Variants in GOLGA5 observed in about 807,000 individuals in gnomAD.
The protein encoded by GOLGA5 is golgin subfamily A member 5.
Under a neutral mutation model 93.5 loss-of-function variants are expected in GOLGA5, and 50 were observed. The observed-to-expected ratio is 0.53, with a 90% confidence interval of 0.43 to 0.68. GOLGA5 has a LOEUF of 0.68. Among genes scored for constraint, GOLGA5 ranks in the 30% least tolerant of loss-of-function variants. GOLGA5 has a pLI of 0.00. For synonymous variants in GOLGA5, 312 were observed against 304.5 expected (o/e 1.02, Z -0.26); for missense variants, 760 against 856.4 (o/e 0.89, Z 1.40).
chr14:92,803,771 G>A (rs1015468676), intron 2 of GOLGA5, among the ~76,000 whole-genome samples: 3 of 152,224 alleles, frequency 2.0e-5, no homozygotes, highest in Non-Finnish European at 4.4e-5. Context: ...TGCATACTGT[G>A]TGAAGAATAT....
intron 12 of GOLGA5, among the ~76,000 whole-genome samples, chr14:92,839,129 A>G (rs1214776828): frequency 6.6e-6 from 1 of 152,220 alleles, no homozygotes; most frequent in African/African-American, 2.4e-5. Flanking sequence ...ATACACGTGC[A>G]TATTGTGAAT....
intron 8 of GOLGA5, among the ~76,000 whole-genome samples, chr14:92,821,844 G>A (rs201971390): frequency 6.6e-6 from 1 of 152,138 alleles, no homozygotes; most frequent in African/African-American, 2.4e-5. Context: ...TTCAGAAATT[G>A]CATTTTAATT....
chr14:92,802,597 A>G (rs2140313668), intron 2 of GOLGA5, among the ~76,000 whole-genome samples: 1 of 151,684 alleles, frequency 6.6e-6, no homozygotes, highest in South Asian at 2.1e-4. Context: ...TAGTTTTTTT[A>G]TTTGTTTAAG....
chr14:92,837,626 C>CAGT (rs1372077461), intron 12 of GOLGA5, among the ~76,000 whole-genome samples, 177 bp downstream of exon 12: 1 of 151,836 alleles, frequency 6.6e-6, no homozygotes, highest in Admixed American at 6.6e-5. Context: ...TTCAGTGGTG[C>CAGT]AGTCTTGGCT....
At chr14:92,821,706 TG>T (rs1885320536) in intron 8 of GOLGA5, among the ~76,000 whole-genome samples, 1 of 152,210 alleles carries the variant, frequency 6.6e-6, no homozygotes, top group Non-Finnish European at 1.5e-5. Context: ...CTCAGAGAAA[TG>T]TTTTTTATTA....
At chr14:92,827,113 C>G (rs1885439662) in intron 9 of GOLGA5, among the ~76,000 whole-genome samples, 2 of 152,204 alleles carry the variant, frequency 1.3e-5, no homozygotes, top group Admixed American at 1.3e-4. Context: ...ATAAGGTGCA[C>G]AGCCATTTCT....
In GOLGA5 at chr14:92,839,581, T is replaced by C; in HGVS notation, c.*135T>C. The C allele has an allele frequency of 3.2e-6, 2 of 615,386 alleles. No individual in the cohort carries two copies. The highest frequency in any genetic ancestry group is 3.0e-4 in the Middle Eastern group (1 of 3,384). 38.1% of individuals were successfully genotyped at this position (615,386 alleles called of 1,614,324 possible). A position where few individuals can be genotyped will look rare whatever the true frequency, so the allele number is the denominator to read the frequency against. ...TACAAGCTTTTAACTTTTTAAGTTA[T>C]TGTACAAGTATTCTACCTAAATCTT... On this transcript the variant is annotated 3_prime_UTR_variant, in exon 13 of 13. Transcript: ENST00000163416.
chr14:92,811,474 A>G (rs1025195467), intron 5 of GOLGA5, 77 bp from the exon 6 acceptor site: 1 of 1,003,246 alleles, frequency 1.0e-6, no homozygotes, highest in Admixed American at 1.9e-5. Context: ...ATCCCATAAG[A>G]TATCCGAATG....
intron 12 of GOLGA5, among the ~76,000 whole-genome samples, chr14:92,838,295 A>G (rs570856767): frequency 6.6e-6 from 1 of 152,314 alleles, no homozygotes; most frequent in East Asian, 1.9e-4. Flanking sequence ...TTTTCTTGAA[A>G]AGAAATTTCT....
intron 3 of GOLGA5, among the ~76,000 whole-genome samples, chr14:92,809,001 A>G (rs1364126976): frequency 6.6e-6 from 1 of 152,188 alleles, no homozygotes; most frequent in Non-Finnish European, 1.5e-5. Context: ...AACTTTACAA[A>G]ATATACTCTG....
intron 9 of GOLGA5, among the ~76,000 whole-genome samples, chr14:92,828,588 C>T (rs927334372): frequency 4.6e-5 from 7 of 152,180 alleles, no homozygotes; most frequent in Non-Finnish European, 1.0e-4. Flanking sequence ...TGAAATCATA[C>T]CTGCCAATAC....
intron 4 of GOLGA5, 88 bp downstream of exon 4, chr14:92,809,607 A>T: frequency 1.3e-6 from 1 of 777,844 alleles, no homozygotes; most frequent in Non-Finnish European, 2.1e-6. Context: ...CTTTCTTGGA[A>T]ATTTACAAGA....
intron 11 of GOLGA5, among the ~76,000 whole-genome samples, chr14:92,836,978 G>GGA (rs1885654815): frequency 6.6e-6 from 1 of 151,586 alleles, no homozygotes; most frequent in Admixed American, 6.6e-5. Flanking sequence ...GGCTGAAGCT[G>GGA]GAGAATTGCT....
At chr14:92,837,574 T>C in intron 12 of GOLGA5, 125 bp downstream of exon 12, 1 of 607,930 alleles carries the variant, frequency 1.6e-6, no homozygotes, top group South Asian at 1.9e-5. Context: ...TTTTTTTTTG[T>C]TTTTTTTGAA....
Position 92,816,393 on chromosome 14 carries a change from A to T in GOLGA5, c.1463A>T (p.Gln488Leu). The T allele has an allele frequency of 6.2e-7, 1 of 1,613,986 alleles. No individual in the cohort carries two copies. Residue 488 changes from glutamine to leucine, a missense_variant, in exon 7 of 13, where the codon CAG (glutamine) becomes CTG (leucine). Coordinates refer to ENST00000163416, the MANE Select transcript of GOLGA5 (RefSeq NM_005113.4). ...QREEIQKLMG[Q>L]IHQLRSELQD... ...GAGGAAATACAGAAGCTGATGGGCC[A>T]GATACATCAGCTCAGATCCGAATTA...
chr14:92,837,510 G>T (rs34061602), intron 12 of GOLGA5, 61 bp downstream of exon 12: 563,477 of 767,610 alleles, frequency 0.73, 203,693 homozygotes, highest in African/African-American at 0.86. Context: ...TTTTTTTTTT[G>T]TTTGTTTGTT....
At chr14:92,817,284 A>G (rs1566957015) in intron 7 of GOLGA5, among the ~76,000 whole-genome samples, 1 of 152,208 alleles carries the variant, frequency 6.6e-6, no homozygotes, top group Non-Finnish European at 1.5e-5. Flanking sequence ...TGGTGATAAA[A>G]AACAGATCAA....
chr14:92,822,707 A>C (rs1313447576), intron 8 of GOLGA5, among the ~76,000 whole-genome samples: 1 of 152,144 alleles, frequency 6.6e-6, no homozygotes, highest in Non-Finnish European at 1.5e-5. Context: ...CCCAGGCTGG[A>C]GTGCAGTGGC....
intron 6 of GOLGA5, among the ~76,000 whole-genome samples, chr14:92,815,687 AT>A (rs1410046101): frequency 3.4e-4 from 49 of 143,224 alleles, no homozygotes; most frequent in African/African-American, 1.2e-3. Context: ...ATAAACACAA[AT>A]TTTTTTTAAT....
Sources: gnomAD v4.1 joint callset for allele counts (sites outside exome capture counted in the v4.1 genomes callset) on GRCh38, gnomAD v4.1.1 for gene constraint, MANE v1.5 for transcripts, NCBI Gene and HGNC (gene_info 2026-07-23, HGNC 2026-07-21) for gene names.